Variants in DOCK10 observed in about 807,000 individuals in gnomAD.
DOCK10 encodes the protein dedicator of cytokinesis protein 10.
Under a neutral mutation model 280.1 loss-of-function variants are expected in DOCK10, and 145 were observed. The ratio of observed to expected loss-of-function variants is 0.52; its 90% confidence interval spans 0.45 to 0.59. The LOEUF (loss-of-function observed/expected upper bound fraction) is 0.59, where lower values mean the gene tolerates loss of function less well. Among genes scored for constraint, DOCK10 ranks in the 20% least tolerant of loss-of-function variants. The pLI is 0.00. For synonymous variants in DOCK10, 915 were observed against 942.2 expected (o/e 0.97, Z 0.53); for missense variants, 2,368 against 2,651.7 (o/e 0.89, Z 2.35).
rs1574817530 is a variant in DOCK10, at chr2:224,786,065, A to G, written c.5655+957T>C. On this transcript the variant is annotated intron_variant, in intron 50 of 55. Transcript: ENST00000258390. The surrounding 1 kb of genome is among the most constrained non-coding windows in gnomAD (Gnocchi z 4.7). ...ACAAAAATTAGCTGGGCATGGTGGC[A>G]CCTGCCTGTAATCCCAGCTACTCGG... 6.6e-6 allele frequency among the ~76,000 whole-genome samples: 1 copy of G among 152,068 alleles called. No individual in the cohort carries two copies. Among genetic ancestry groups the G allele is most frequent in the African/African-American group, 2.4e-5 (1 of 41,412 alleles).
chr2:224,768,984 G>A, intron 55 of DOCK10: 1 of 454,096 alleles, frequency 2.2e-6, no homozygotes, highest in South Asian at 1.6e-5. Context: ...TTTGTCCAAA[G>A]TTTCTAGGTC....
chr2:225,025,922 A>G (rs905712702), intron 1 of DOCK10, among the ~76,000 whole-genome samples: 1 of 152,182 alleles, frequency 6.6e-6, no homozygotes, highest in Admixed American at 6.5e-5. Flanking sequence ...AAGCAATGAG[A>G]TAATAACTAA....
chr2:224,814,284 TG>T (rs1430842740), intron 31 of DOCK10, 35 bp downstream of exon 31: 3 of 1,365,260 alleles, frequency 2.2e-6, no homozygotes, highest in African/African-American at 3.0e-5. Flanking sequence ...GGATTACAGG[TG>T]GTTACTGATG....
chr2:224,782,776 C>A (rs544830667), intron 50 of DOCK10, among the ~76,000 whole-genome samples: 5 of 152,290 alleles, frequency 3.3e-5, no homozygotes, highest in African/African-American at 1.2e-4. Flanking sequence ...TTTGTGCAGG[C>A]AAAGAGCCTA....
At chr2:224,892,981 T>C (rs1054642920) in intron 4 of DOCK10, among the ~76,000 whole-genome samples, 6 of 152,194 alleles carry the variant, frequency 3.9e-5, no homozygotes, top group African/African-American at 1.2e-4. Context: ...CCCAGGACCA[T>C]TGCGTGGTCT....
rs190068616 is a variant in DOCK10, at chr2:224,799,327, T to C, written c.4506+824A>G. Reference sequence around the variant, plus strand: ...CTTGGGTTTCACCCATGTTACAGCATGTATCAGTAGTTTATTTCTTTTAAC... The same window carrying C: ...CTTGGGTTTCACCCATGTTACAGCACGTATCAGTAGTTTATTTCTTTTAAC... On this transcript the variant is annotated intron_variant, in intron 41 of 55. Coordinates refer to ENST00000258390, the MANE Select transcript of DOCK10 (RefSeq NM_014689.3). Among the ~76,000 whole-genome samples, 386 of 152,374 alleles carry C rather than the reference T, an allele frequency of 2.5e-3. 1 individual carries two copies. The highest frequency in any genetic ancestry group is 5.9e-3 in the Admixed American group (90 of 15,308).
chr2:224,830,619 G>A lies in DOCK10; in HGVS notation c.2965-7C>T. ...CAAAGAAGAACCAGGAATGCTGTTG[G>A]GAAAAAAAAGGCAACGAGACATTTA... On this transcript the variant is annotated splice_region_variant and splice_polypyrimidine_tract_variant and intron_variant, in intron 26 of 55. Transcript: ENST00000258390. 6.8e-7 allele frequency: 1 copy of A among 1,462,064 alleles called. No individual in the cohort carries two copies. Among genetic ancestry groups the A allele is most frequent in the South Asian group, 1.4e-5 (1 of 69,862 alleles). The allele number at this position is 1,462,064 out of a possible 1,614,324, so 90.6% of individuals were successfully genotyped here. A position where few individuals can be genotyped will look rare whatever the true frequency, so the allele number is the denominator to read the frequency against.
chr2:224,957,284 C>T (rs1451898675), intron 1 of DOCK10, among the ~76,000 whole-genome samples: 7 of 95,924 alleles, frequency 7.3e-5, no homozygotes, highest in African/African-American at 1.8e-4. Context: ...TTTTACTTTC[C>T]GCCCCCCCCC....
chr2:224,795,276 GA>G, intron 44 of DOCK10, 182 bp from the exon 45 acceptor site: 1 of 606,710 alleles, frequency 1.6e-6, no homozygotes, highest in East Asian at 2.8e-5. Flanking sequence ...CACATTTGAA[GA>G]TAAACATTTC....
At chr2:224,883,439 T>G (rs1371484124) in intron 7 of DOCK10, among the ~76,000 whole-genome samples, 1 of 152,226 alleles carries the variant, frequency 6.6e-6, no homozygotes, top group Non-Finnish European at 1.5e-5. Context: ...ATCAAGGTTT[T>G]CTAGGAAGAC....
intron 1 of DOCK10, among the ~76,000 whole-genome samples, chr2:225,016,635 A>ATATCG (rs1689609427): frequency 4.5e-5 from 1 of 22,024 alleles, no homozygotes; most frequent in Admixed American, 3.2e-4. Flanking sequence ...ATAGATACAT[A>ATATCG]TATCTATGTG....
chr2:224,773,162 C>T lies in DOCK10; in HGVS notation c.6199G>A (p.Val2067Met), dbSNP rs750595919. The change falls in exon 53 of 56, where the codon GTG becomes ATG. Residue 2067 changes from valine (V) to methionine (M), a missense_variant. Val to Met is a conservative substitution (Grantham distance 21). This residue lies in a region of DOCK10 where 1,159 missense variants were observed against 1,400.8 expected (regional missense o/e 0.83). Transcript: ENST00000258390. ...LQLKLQGSVS[V>M]KVNAGPMAYA... ...CCTGGGCAATGCTTACTCACCTTCA[C>T]GCTGACACTTCCTTGCAGTTTGAGC... is the stretch of plus-strand genomic sequence containing the variant. 3.1e-6 allele frequency: 5 copies of T among 1,610,420 alleles called. No individual in the cohort carries two copies. In the African/African-American group the frequency reaches 5.3e-5, roughly 17 times the overall value.
intron 1 of DOCK10, among the ~76,000 whole-genome samples, chr2:225,028,157 G>A (rs1347629331): frequency 6.6e-6 from 1 of 152,036 alleles, no homozygotes; most frequent in Non-Finnish European, 1.5e-5. Context: ...CCTGCAGATG[G>A]GAGATTGTCC....
At chr2:224,785,297 T>TA (rs1691654488) in intron 50 of DOCK10, among the ~76,000 whole-genome samples, 1 of 151,826 alleles carries the variant, frequency 6.6e-6, no homozygotes, top group African/African-American at 2.4e-5. Context: ...ATTTGCTTTT[T>TA]TTTTTGGTAT....
intron 1 of DOCK10, among the ~76,000 whole-genome samples, chr2:224,959,404 A>G (rs1433790925): frequency 6.6e-6 from 1 of 151,552 alleles, no homozygotes; most frequent in Admixed American, 6.6e-5. Context: ...TAAACCTACA[A>G]CCGGACCCCA....
At chr2:224,993,550 A>G (rs1053131190) in intron 1 of DOCK10, among the ~76,000 whole-genome samples, 4 of 152,222 alleles carry the variant, frequency 2.6e-5, no homozygotes, top group African/African-American at 4.8e-5. Flanking sequence ...AGAACCTCCT[A>G]AAGTGGGAGA....
chr2:224,992,477 C>T (rs1248670279), intron 1 of DOCK10, among the ~76,000 whole-genome samples: 1 of 152,128 alleles, frequency 6.6e-6, no homozygotes, highest in Non-Finnish European at 1.5e-5. Flanking sequence ...TGCAAAGCAC[C>T]CAGCTCCAGG....
intron 39 of DOCK10, among the ~76,000 whole-genome samples, chr2:224,803,717 T>G (rs1225030442): frequency 1.3e-5 from 2 of 152,094 alleles, no homozygotes; most frequent in Non-Finnish European, 2.9e-5. Context: ...CTGAAAAGCC[T>G]AGGGAGACAT....
chr2:225,035,588 A>ATTATATATATATATATATATATATT (rs1559987127), intron 1 of DOCK10, among the ~76,000 whole-genome samples: 1 of 112,998 alleles, frequency 8.8e-6, no homozygotes, highest in Non-Finnish European at 1.7e-5. Flanking sequence ...ATATATATAT[A>ATTATATATATATATATATATATATT]ACACTGAATC....
Sources: gnomAD v4.1 joint callset for allele counts (sites outside exome capture counted in the v4.1 genomes callset) on GRCh38, gnomAD v4.1.1 for gene constraint, gnomAD v4.1.1 regional missense constraint, Gnocchi (gnomAD v3.1) non-coding constraint, MANE v1.5 for transcripts, NCBI Gene and HGNC (gene_info 2026-07-23, HGNC 2026-07-21) for gene names.